Variants in ANKRD44 observed in about 807,000 individuals in gnomAD.
ANKRD44 encodes serine/threonine-protein phosphatase 6 regulatory ankyrin repeat subunit B.
A neutral mutation model predicts 116.0 loss-of-function variants in ANKRD44; 35 were observed. The observed-to-expected ratio is 0.30, with a 90% CI of 0.23 to 0.40. The LOEUF (loss-of-function observed/expected upper bound fraction) is 0.40. Among genes scored for constraint, ANKRD44 ranks in the 10% least tolerant of loss-of-function variants. The pLI is 1.00. For missense variants in ANKRD44, 1,014 were observed against 1,242.6 expected (o/e 0.82, Z 2.77); for synonymous variants, 435 against 461.8 (o/e 0.94, Z 0.74).
intron 1 of ANKRD44, among the ~76,000 whole-genome samples, chr2:197,310,174 G>C (rs2084203896): frequency 1.3e-5 from 2 of 152,116 alleles, no homozygotes; most frequent in South Asian, 4.1e-4. Context: ...CCCAGTCTGC[G>C]ATCCTTTCTC....
intron 16 of ANKRD44, among the ~76,000 whole-genome samples, chr2:197,034,667 C>T (rs1460925728): frequency 5.3e-5 from 8 of 151,968 alleles, no homozygotes; most frequent in Non-Finnish European, 1.0e-4. Flanking sequence ...GAAGGTTCTA[C>T]GTAGAGTCCA....
chr2:197,138,197 A>G (rs1294077217), intron 3 of ANKRD44, among the ~76,000 whole-genome samples: 3 of 152,228 alleles, frequency 2.0e-5, no homozygotes, highest in African/African-American at 7.2e-5. Flanking sequence ...AAGGCACTAG[A>G]AAAACATTAG....
At chr2:197,008,752 C>A (rs1019456012) in intron 19 of ANKRD44, among the ~76,000 whole-genome samples, 192 bp downstream of exon 19, 1 of 152,190 alleles carries the variant, frequency 6.6e-6, no homozygotes, top group Non-Finnish European at 1.5e-5. Flanking sequence ...GACATGTGCA[C>A]ACCCACTCCT....
At chr2:197,106,155 T>C (rs999874691) in intron 9 of ANKRD44, among the ~76,000 whole-genome samples, 1 of 152,062 alleles carries the variant, frequency 6.6e-6, no homozygotes, top group Admixed American at 6.6e-5. Context: ...AAAATATAGA[T>C]AACTGGCCAG....
intron 1 of ANKRD44, among the ~76,000 whole-genome samples, chr2:197,304,833 T>C (rs1472334947): frequency 1.1e-4 from 17 of 152,230 alleles, no homozygotes; most frequent in Non-Finnish European, 4.4e-5. Context: ...TCAGAACTCA[T>C]GTGTGACATG....
intron 1 of ANKRD44, among the ~76,000 whole-genome samples, chr2:197,216,179 G>A (rs192258404): frequency 1.2e-3 from 186 of 152,224 alleles, no homozygotes; most frequent in Non-Finnish European, 2.1e-3. Flanking sequence ...GTACAAAGTC[G>A]TCATTCAAAA....
At chr2:197,014,396 T>C (rs2076350570) in intron 17 of ANKRD44, among the ~76,000 whole-genome samples, 2 of 152,210 alleles carry the variant, frequency 1.3e-5, no homozygotes, top group African/African-American at 4.8e-5. Flanking sequence ...TTCCCCTGAT[T>C]ACAATGAAAA....
At chr2:197,228,836 G>A (rs2081784703) in intron 1 of ANKRD44, among the ~76,000 whole-genome samples, 1 of 152,236 alleles carries the variant, frequency 6.6e-6, no homozygotes, top group Non-Finnish European at 1.5e-5. Flanking sequence ...AGGAGTTTGA[G>A]ATCAGCTTGA....
chr2:197,255,696 C>T (rs140720269), intron 1 of ANKRD44, among the ~76,000 whole-genome samples: 55 of 152,340 alleles, frequency 3.6e-4, no homozygotes, highest in Non-Finnish European at 5.9e-4. Flanking sequence ...TGGTAAGAGG[C>T]GGCCCCCTGG....
intron 1 of ANKRD44, among the ~76,000 whole-genome samples, chr2:197,308,888 G>A (rs1320878691): frequency 6.6e-6 from 1 of 152,192 alleles, no homozygotes; most frequent in Non-Finnish European, 1.5e-5. Flanking sequence ...GAAAGTACAA[G>A]CACCTGGAAG....
At chr2:197,266,810 T>C (rs1443103537) in intron 1 of ANKRD44, among the ~76,000 whole-genome samples, 1 of 152,114 alleles carries the variant, frequency 6.6e-6, no homozygotes, top group Non-Finnish European at 1.5e-5. Flanking sequence ...ATAGAGTCAG[T>C]TTTGAGCATC....
intron 1 of ANKRD44, among the ~76,000 whole-genome samples, chr2:197,232,865 G>A (rs2081897345): frequency 6.6e-6 from 1 of 152,174 alleles, no homozygotes; most frequent in Non-Finnish European, 1.5e-5. Context: ...GAGATGGAAG[G>A]CATTGATACA....
chr2:197,101,583 TTA>T (rs1018939745), intron 9 of ANKRD44, among the ~76,000 whole-genome samples: 1 of 152,138 alleles, frequency 6.6e-6, no homozygotes, highest in Non-Finnish European at 1.5e-5. Flanking sequence ...ACGGTAAATT[TTA>T]TGTTATGTAT....
intron 2 of ANKRD44, among the ~76,000 whole-genome samples, chr2:197,150,186 C>T (rs1009771768): frequency 6.6e-6 from 1 of 152,078 alleles, no homozygotes; most frequent in Non-Finnish European, 1.5e-5. Flanking sequence ...TATGACTTAA[C>T]CCAACGCAGC....
At chr2:197,001,658 G>A in intron 22 of ANKRD44, 95 bp downstream of exon 22, 1 of 817,642 alleles carries the variant, frequency 1.2e-6, no homozygotes, top group Non-Finnish European at 1.9e-6. Context: ...AGTCTTATCT[G>A]TAATCTAAAA....
intron 9 of ANKRD44, among the ~76,000 whole-genome samples, chr2:197,103,022 G>T (rs1015311433): frequency 1.3e-5 from 2 of 152,054 alleles, no homozygotes; most frequent in Non-Finnish European, 2.9e-5. Context: ...AAGGTCAGGA[G>T]ATCAAGACCA....
At position 197,150,279 on chromosome 2, in the gene ANKRD44, T is replaced by C. The variant is rs922556556; in HGVS notation, c.112-3174A>G. Among the ~76,000 whole-genome samples, 9 of 152,320 alleles carry C rather than the reference T, an allele frequency of 5.9e-5. No homozygotes were observed. In the East Asian group the frequency reaches 1.7e-3, roughly 29 times the overall value. ...AAAAATGAAAGTGGGCTGGGCACGG[T>C]GGCTCACACCTGTAATCCCAGCACT... is the stretch of plus-strand genomic sequence containing the variant. On this transcript the variant is annotated intron_variant, in intron 2 of 27. Transcript: ENST00000282272.
chr2:196,979,546 T>C (rs1361840292), intron 21 of ANKRD44, among the ~76,000 whole-genome samples: 2 of 139,968 alleles, frequency 1.4e-5, no homozygotes, highest in African/African-American at 2.6e-5. Flanking sequence ...AGTAATTTAA[T>C]AAGATGACTT....
chr2:196,990,121 A>G (rs2075891596), intron 27 of ANKRD44: 1 of 1,001,144 alleles, frequency 1.0e-6, no homozygotes. Context: ...TGGATATTCA[A>G]ATGCTTACTA....
Sources: allele counts gnomAD v4.1 joint callset (sites outside exome capture counted in the v4.1 genomes callset), GRCh38; gene constraint gnomAD v4.1.1; transcripts MANE v1.5; gene names NCBI Gene and HGNC (gene_info 2026-07-23, HGNC 2026-07-21).